The following ARHGAP42 variants were observed in gnomAD, a reference collection of about 807,000 sequenced individuals.
ARHGAP42 encodes the protein Rho GTPase activating protein 42.
Under a neutral mutation model 125.0 loss-of-function variants are expected in ARHGAP42, and 63 were observed. The ratio of observed to expected loss-of-function variants is 0.50; its 90% CI spans 0.41 to 0.62. The LOEUF is 0.62. ARHGAP42 is among the 20% of genes least tolerant of loss of function. The pLI is 0.00. For synonymous variants in ARHGAP42, 339 were observed against 351.0 expected, an observed-to-expected ratio of 0.97 and a Z score of 0.38; for missense variants, 766 against 1,024.2, an observed-to-expected ratio of 0.75 and a Z score of 3.44.
intron 1 of ARHGAP42, among the ~76,000 whole-genome samples, chr11:100,698,504 C>G (rs764261741): frequency 6.6e-6 from 1 of 151,992 alleles, no homozygotes; most frequent in Non-Finnish European, 1.5e-5. Context: ...GGAGAACCCC[C>G]GTTTCTACTA....
At chr11:100,829,318 C>A (rs1391123452) in intron 3 of ARHGAP42, among the ~76,000 whole-genome samples, 1 of 151,798 alleles carries the variant, frequency 6.6e-6, no homozygotes, top group African/African-American at 2.4e-5. Context: ...TAGGATCATG[C>A]CACTGCACTC....
At chr11:100,703,320 T>C (rs538982249) in intron 1 of ARHGAP42, among the ~76,000 whole-genome samples, 113 of 152,310 alleles carry the variant, frequency 7.4e-4, no homozygotes, top group African/African-American at 2.6e-3. Context: ...GCATTTGCCT[T>C]ATATTTCTTG....
intron 3 of ARHGAP42, among the ~76,000 whole-genome samples, chr11:100,813,336 A>G (rs1165594701): frequency 1.3e-5 from 2 of 152,186 alleles, no homozygotes; most frequent in Non-Finnish European, 2.9e-5. Context: ...TTTGTCCCTC[A>G]GGGGTCAAAG....
intron 8 of ARHGAP42, among the ~76,000 whole-genome samples, chr11:100,938,022 TA>T (rs1867780834): frequency 6.6e-6 from 1 of 151,398 alleles, no homozygotes; most frequent in African/African-American, 2.4e-5. Flanking sequence ...AGACTGATGA[TA>T]AAGCCCTTTG....
rs1326922260 is a variant in ARHGAP42 at position 100,991,249 on chromosome 11, A to T, written c.*2448A>T. Reference sequence around the variant, plus strand: ...CTAAAGCTGCTTTTCCCTTAAAGTAAGTTTCCTACAGATAAGGTATTTATG... The same window carrying T: ...CTAAAGCTGCTTTTCCCTTAAAGTATGTTTCCTACAGATAAGGTATTTATG... On this transcript the variant is annotated 3_prime_UTR_variant, in exon 24 of 24. Coordinates refer to ENST00000298815, the MANE Select transcript of ARHGAP42 (RefSeq NM_152432.4). The T allele has an allele frequency of 6.6e-6, 1 of 152,206 alleles. No homozygotes were observed. The highest frequency in any genetic ancestry group is 1.9e-4 in the East Asian group (1 of 5,194). The allele number at this position is 152,206 out of a possible 1,614,324, so 9.4% of individuals were successfully genotyped here. A position where few individuals can be genotyped will look rare whatever the true frequency, so the allele number is the denominator to read the frequency against.
In ARHGAP42 at chr11:100,960,940, A is replaced by G. The variant is rs1857937103; in HGVS notation, c.1251A>G (p.Arg417=). The change falls in exon 14 of 24, where the codon CGA becomes CGG. Residue 417 remains arginine (R), a synonymous_variant. Transcript: ENST00000298815. ...GTATCACCATTTTAGGACTCTACCG[A>G]ATAGGAGGAGTGAACTCCAAAGTTC... The part of the protein sequence containing the change: ...TRGITILGLY[R]IGGVNSKVQK... 2 of 1,538,398 alleles carry G rather than the reference A, an allele frequency of 1.3e-6. No homozygotes were observed. The highest frequency in any genetic ancestry group is 1.2e-5 in the South Asian group (1 of 80,136).
intron 3 of ARHGAP42, among the ~76,000 whole-genome samples, chr11:100,801,654 A>G (rs1353119053): frequency 6.6e-6 from 1 of 152,166 alleles, no homozygotes; most frequent in Non-Finnish European, 1.5e-5. Flanking sequence ...TGCTAAAGCC[A>G]ACTAAAATGC....
intron 2 of ARHGAP42, among the ~76,000 whole-genome samples, chr11:100,785,640 T>A (rs1221113473): frequency 6.6e-6 from 1 of 152,072 alleles, no homozygotes; most frequent in Non-Finnish European, 1.5e-5. Context: ...CTGTGGAATG[T>A]GAAGGAGTGC....
rs146934794 is a variant in ARHGAP42, at chr11:100,787,332, T to C, written c.251-7773T>C. Among the ~76,000 whole-genome samples the C allele has an allele frequency of 4.5e-3, 687 of 152,092 alleles. 12 individuals carry two copies. The highest frequency in any genetic ancestry group is 0.019 in the South Asian group (90 of 4,804). ...ATGTGCACTCTATCTCCTGCCACCA[T>C]GTAAGACATGCCTACTTCCCATTTA... is the stretch of plus-strand genomic sequence containing the variant. On this transcript the variant is annotated intron_variant, in intron 2 of 23. Coordinates refer to ENST00000298815, the MANE Select transcript of ARHGAP42 (RefSeq NM_152432.4).
chr11:100,740,005 A>C (rs1862150252), intron 1 of ARHGAP42, among the ~76,000 whole-genome samples: 1 of 152,054 alleles, frequency 6.6e-6, no homozygotes, highest in Non-Finnish European at 1.5e-5. Context: ...GCGTGTTGAA[A>C]TATTATTTTT....
intron 2 of ARHGAP42, among the ~76,000 whole-genome samples, chr11:100,774,257 C>T (rs778520408): frequency 5.3e-5 from 8 of 152,152 alleles, no homozygotes; most frequent in African/African-American, 9.7e-5. Context: ...CTGGGACTAA[C>T]GTGTGTGTCT....
At chr11:100,741,546 T>C (rs1453901992) in intron 1 of ARHGAP42, among the ~76,000 whole-genome samples, 1 of 152,204 alleles carries the variant, frequency 6.6e-6, no homozygotes, top group Non-Finnish European at 1.5e-5. Flanking sequence ...CTAGTCCAGA[T>C]TGAAGAACCC....
chr11:100,692,548 A>G (rs971417457), intron 1 of ARHGAP42, among the ~76,000 whole-genome samples: 1 of 152,122 alleles, frequency 6.6e-6, no homozygotes, highest in African/African-American at 2.4e-5. Flanking sequence ...TCTTGCCCTG[A>G]TGAAGGCCTT....
chr11:100,714,276 G>A (rs923569135), intron 1 of ARHGAP42, among the ~76,000 whole-genome samples: 4 of 152,088 alleles, frequency 2.6e-5, no homozygotes, highest in African/African-American at 9.7e-5. Context: ...AATGTGAAAA[G>A]GTTATTGTTA....
At chr11:100,834,244 A>G (rs1188236994) in intron 3 of ARHGAP42, among the ~76,000 whole-genome samples, 1 of 152,126 alleles carries the variant, frequency 6.6e-6, no homozygotes, top group Admixed American at 6.6e-5. Context: ...TTGTGTTTGA[A>G]CCCAGGGCTA....
intron 1 of ARHGAP42, among the ~76,000 whole-genome samples, chr11:100,757,489 T>A (rs932184499): frequency 5.9e-5 from 9 of 152,196 alleles, no homozygotes; most frequent in Non-Finnish European, 1.3e-4. Flanking sequence ...ATGGCTGTAG[T>A]AAGTCAATCT....
At chr11:100,705,744 T>C (rs1032077662) in intron 1 of ARHGAP42, among the ~76,000 whole-genome samples, 6 of 152,110 alleles carry the variant, frequency 3.9e-5, no homozygotes, top group African/African-American at 1.4e-4. Context: ...TTTTATTTTA[T>C]TTTTTAGAGT....
At chr11:100,952,645 A>G (rs781084157) in intron 12 of ARHGAP42, among the ~76,000 whole-genome samples, 15 of 151,946 alleles carry the variant, frequency 9.9e-5, no homozygotes, top group East Asian at 1.9e-4. Context: ...CCCTGGCTCA[A>G]AGGCACAGGA....
chr11:100,846,988 G>A (rs1431630372), intron 3 of ARHGAP42, among the ~76,000 whole-genome samples: 1 of 152,116 alleles, frequency 6.6e-6, no homozygotes, highest in Admixed American at 6.6e-5. Context: ...GAGACCCAGA[G>A]CCAGCACACA....
Sources: gnomAD v4.1 joint callset for allele counts (sites outside exome capture counted in the v4.1 genomes callset) on GRCh38, gnomAD v4.1.1 for gene constraint, MANE v1.5 for transcripts, NCBI Gene and HGNC (gene_info 2026-07-23, HGNC 2026-07-21) for gene names.